The following PTPRD variants were observed in gnomAD, a reference collection of about 807,000 sequenced individuals.
PTPRD encodes the protein protein tyrosine phosphatase receptor type D.
PTPRD carries 34 observed loss-of-function variants against 214.5 expected under a neutral mutation model. That is an observed-to-expected ratio of 0.16 (90% CI 0.12 to 0.21). The LOEUF (loss-of-function observed/expected upper bound fraction) is 0.21, where lower values mean the gene tolerates loss of function less well. PTPRD is among the 10% of genes least tolerant of loss of function. PTPRD has a pLI of 1.00. For missense variants in PTPRD, 2,545 were observed against 2,398.7 expected, an observed-to-expected ratio of 1.06 and a Z score of -1.27; for synonymous variants, 1,128 against 845.7, an observed-to-expected ratio of 1.33 and a Z score of -5.79.
At chr9:9,429,761 A>T (rs548082243) in intron 8 of PTPRD, among the ~76,000 whole-genome samples, 1 of 152,326 alleles carries the variant, frequency 6.6e-6, no homozygotes, top group East Asian at 1.9e-4. Flanking sequence ...ATAAATCAAT[A>T]AACATAATCC....
intron 11 of PTPRD, among the ~76,000 whole-genome samples, chr9:8,978,014 G>A (rs1387323057): frequency 2.6e-5 from 4 of 152,056 alleles, no homozygotes; most frequent in African/African-American, 7.2e-5. Flanking sequence ...TGGATTTAAA[G>A]TAATCCAAGC....
At position 9,569,217 on chromosome 9, in the gene PTPRD, A is replaced by G. The variant is rs563719370; in HGVS notation, c.-237+5515T>C. On this transcript the variant is annotated intron_variant, in intron 8 of 45. Transcript: ENST00000381196. ...GATACGCTAGTCATTTGCGAATGTT[A>G]TAAGTGTAATGAAATTAAAACCATT... Among the ~76,000 whole-genome samples the G allele has an allele frequency of 2.6e-5, 4 of 151,874 alleles. No individual in the cohort carries two copies. The South Asian group carries it at 6.2e-4, about 24-fold the overall frequency.
intron 4 of PTPRD, among the ~76,000 whole-genome samples, chr9:9,966,369 A>G (rs1020080176): frequency 6.6e-6 from 1 of 152,136 alleles, no homozygotes; most frequent in Non-Finnish European, 1.5e-5. Context: ...GACACATCAT[A>G]TGTTCTTTCA....
chr9:10,278,604 T>G (rs1000883664), intron 3 of PTPRD, among the ~76,000 whole-genome samples: 1 of 152,198 alleles, frequency 6.6e-6, no homozygotes, highest in Non-Finnish European at 1.5e-5. Context: ...TCTCCTGATC[T>G]AGGTTTTACA....
At position 9,752,479 on chromosome 9, in the gene PTPRD, G is replaced by C. The variant is rs112191628; in HGVS notation, c.-326+14331C>G. ...TGGAAAAGCTGACACTGGAATCCTT[G>C]TGTACTAGTTTCTTGTAAAAATGGA... On this transcript the variant is annotated intron_variant, in intron 6 of 45. Coordinates refer to ENST00000381196, the MANE Select transcript of PTPRD (RefSeq NM_002839.4). Among the ~76,000 whole-genome samples, 363 of 152,110 alleles carry C rather than the reference G, an allele frequency of 2.4e-3. 3 individuals are homozygous for C. The highest frequency in any genetic ancestry group is 8.3e-3 in the African/African-American group (345 of 41,532).
At chr9:9,307,531 C>A (rs1246700747) in intron 9 of PTPRD, among the ~76,000 whole-genome samples, 2 of 152,156 alleles carry the variant, frequency 1.3e-5, no homozygotes, top group Non-Finnish European at 2.9e-5. Flanking sequence ...CAATCAGTGG[C>A]TGTGCTGTTA....
At chr9:9,990,891 G>C (rs910815894) in intron 4 of PTPRD, among the ~76,000 whole-genome samples, 4 of 151,102 alleles carry the variant, frequency 2.6e-5, no homozygotes, top group Non-Finnish European at 5.9e-5. Context: ...ACATAGTTTT[G>C]TAAAATCAAA....
chr9:9,109,750 G>T (rs552130330), intron 10 of PTPRD, among the ~76,000 whole-genome samples: 1 of 152,130 alleles, frequency 6.6e-6, no homozygotes, highest in South Asian at 2.1e-4. Flanking sequence ...ATCTTTCTGC[G>T]AATGAAATAG....
chr9:10,336,383 A>G (rs915693519), intron 3 of PTPRD, among the ~76,000 whole-genome samples: 1 of 151,676 alleles, frequency 6.6e-6, no homozygotes, highest in Non-Finnish European at 1.5e-5. Context: ...TACCGGAAGG[A>G]AACGAGCATG....
intron 8 of PTPRD, among the ~76,000 whole-genome samples, chr9:9,427,175 G>A (rs1046574014): frequency 6.6e-6 from 1 of 152,134 alleles, no homozygotes; most frequent in Admixed American, 6.5e-5. Context: ...AAAAAGATTA[G>A]ACGAATGGCT....
chr9:10,295,496 T>C (rs1596361301), intron 3 of PTPRD, among the ~76,000 whole-genome samples: 1 of 152,212 alleles, frequency 6.6e-6, no homozygotes, highest in East Asian at 1.9e-4. Context: ...CTCCACCAGT[T>C]TGAGTAAGAC....
chr9:8,922,399 C>A (rs551517518), intron 11 of PTPRD, among the ~76,000 whole-genome samples: 1 of 152,168 alleles, frequency 6.6e-6, no homozygotes, highest in Non-Finnish European at 1.5e-5. Flanking sequence ...ACACATCATG[C>A]TAAATGAACC....
rs139131184 is a variant in PTPRD at position 8,636,420 on chromosome 9, T to A, written c.210+279A>T. ...ATCCTACAGACGTGGTCCTGTGAGG[T>A]TGCAGAGCTCCATCTTGCAACCTGG... On this transcript the variant is annotated intron_variant, in intron 13 of 45. Transcript: ENST00000381196. 1.2e-3 allele frequency among the ~76,000 whole-genome samples: 185 copies of A among 152,152 alleles called. 2 individuals carry two copies. The highest frequency in any genetic ancestry group is 4.3e-3 in the African/African-American group (179 of 41,516).
intron 9 of PTPRD, among the ~76,000 whole-genome samples, chr9:9,295,650 A>G (rs1477241398): frequency 6.6e-6 from 1 of 151,794 alleles, no homozygotes; most frequent in African/African-American, 2.4e-5. Context: ...CTCAAAAGTA[A>G]TTATATTTTA....
At chr9:8,548,245 G>A (rs1386811165) in intron 14 of PTPRD, among the ~76,000 whole-genome samples, 3 of 152,308 alleles carry the variant, frequency 2.0e-5, no homozygotes, top group East Asian at 3.9e-4. Context: ...TTTGCGGACA[G>A]GGGTAGGAAG....
chr9:10,429,168 T>C (rs916115516), intron 2 of PTPRD, among the ~76,000 whole-genome samples: 1 of 151,870 alleles, frequency 6.6e-6, no homozygotes, highest in African/African-American at 2.4e-5. Context: ...ATGCCAAACT[T>C]AACACAGAAC....
intron 20 of PTPRD, among the ~76,000 whole-genome samples, chr9:8,519,114 A>C (rs2097843274): frequency 6.6e-6 from 1 of 152,210 alleles, no homozygotes; most frequent in Non-Finnish European, 1.5e-5. Context: ...GCAAAAGAAT[A>C]GAAATTTCAA....
intron 4 of PTPRD, among the ~76,000 whole-genome samples, chr9:9,986,129 T>TG (rs1000834340): frequency 3.4e-4 from 52 of 152,158 alleles, no homozygotes; most frequent in African/African-American, 1.3e-3. Flanking sequence ...GTTAGCTGGT[T>TG]GGGGAGAACA....
At chr9:8,381,774 C>A (rs530490217) in intron 37 of PTPRD, among the ~76,000 whole-genome samples, 1 of 152,258 alleles carries the variant, frequency 6.6e-6, no homozygotes, top group East Asian at 1.9e-4. Context: ...AAAAGTTATT[C>A]CCTTTTGTTT....
Sources: allele counts gnomAD v4.1 joint callset (sites outside exome capture counted in the v4.1 genomes callset), GRCh38; gene constraint gnomAD v4.1.1; transcripts MANE v1.5; gene names NCBI Gene and HGNC (gene_info 2026-07-23, HGNC 2026-07-21).